The following CDH13 variants were observed in gnomAD, a reference collection of about 807,000 sequenced individuals.
CDH13 encodes the protein cadherin 13, also known as cadherin-13.
CDH13 carries 24 observed loss-of-function variants against 63.8 expected under a neutral mutation model. That is an observed-to-expected ratio of 0.38 (90% CI 0.27 to 0.53). The LOEUF (loss-of-function observed/expected upper bound fraction) is 0.53. Among genes scored for constraint, CDH13 ranks in the 20% least tolerant of loss-of-function variants. The pLI, the probability that CDH13 is intolerant of heterozygous loss-of-function variation, is 0.85. For missense variants in CDH13, 1,049 were observed against 903.1 expected (o/e 1.16, Z -2.07); for synonymous variants, 503 against 355.3 (o/e 1.42, Z -4.67).
At chr16:83,031,638 C>G (rs1326528993) in intron 2 of CDH13, among the ~76,000 whole-genome samples, 1 of 152,008 alleles carries the variant, frequency 6.6e-6, no homozygotes, top group Non-Finnish European at 1.5e-5. Flanking sequence ...CTGTGCAGCT[C>G]TCCTCAATGG....
intron 10 of CDH13, among the ~76,000 whole-genome samples, chr16:83,706,713 G>T (rs756013565): frequency 1.3e-5 from 2 of 152,164 alleles, no homozygotes; most frequent in Non-Finnish European, 2.9e-5. Flanking sequence ...ACACACACAA[G>T]ACATAGAGAA....
At chr16:82,881,249 C>G (rs2040691582) in intron 2 of CDH13, among the ~76,000 whole-genome samples, 1 of 152,090 alleles carries the variant, frequency 6.6e-6, no homozygotes, top group Admixed American at 6.6e-5. Context: ...TTCAAGCTCC[C>G]ATTTGGATGC....
chr16:83,470,246 G>A (rs557139136), intron 6 of CDH13, among the ~76,000 whole-genome samples: 1 of 152,144 alleles, frequency 6.6e-6, no homozygotes, highest in South Asian at 2.1e-4. Flanking sequence ...TTTAGAGAAA[G>A]GTGTCTCACC....
intron 2 of CDH13, among the ~76,000 whole-genome samples, chr16:83,012,067 T>C (rs919716117): frequency 2.0e-5 from 3 of 152,200 alleles, no homozygotes; most frequent in South Asian, 4.1e-4. Flanking sequence ...CAGGACCATT[T>C]GAAAGTTGAA....
chr16:83,265,112 G>A (rs1016806299), intron 5 of CDH13, among the ~76,000 whole-genome samples: 1 of 152,102 alleles, frequency 6.6e-6, no homozygotes, highest in Non-Finnish European at 1.5e-5. Flanking sequence ...GTCTTTAAAT[G>A]TCTCAAGTCG....
rs1372428186 is a variant in CDH13, at chr16:83,397,878, C to T, written c.781+52872C>T. Reference sequence around the variant, plus strand: ...AAACATTTGTTATAAATGAAGAAATCCCCCAGAGAGAAAGCTATAGAGAAC... The same window carrying T: ...AAACATTTGTTATAAATGAAGAAATTCCCCAGAGAGAAAGCTATAGAGAAC... On this transcript the variant is annotated intron_variant, in intron 6 of 13. Transcript: ENST00000567109. 5 of 152,288 alleles carry T rather than the reference C, an allele frequency of 3.3e-5. No homozygotes were observed. In the South Asian group the frequency reaches 6.2e-4, roughly 19 times the overall value. The allele number at this position is 152,288 out of a possible 1,614,324, so 9.4% of individuals were successfully genotyped here. A position where few individuals can be genotyped will look rare whatever the true frequency, so the allele number is the denominator to read the frequency against.
intron 2 of CDH13, among the ~76,000 whole-genome samples, chr16:82,949,677 A>C (rs767689391): frequency 3.3e-5 from 5 of 152,156 alleles, no homozygotes; most frequent in Admixed American, 1.3e-4. Flanking sequence ...AGTCAGAGAA[A>C]ACTTTTTTTT....
At chr16:83,216,602 AG>A (rs557856357) in intron 4 of CDH13, among the ~76,000 whole-genome samples, 24 of 143,808 alleles carry the variant, frequency 1.7e-4, no homozygotes, top group African/African-American at 4.8e-4. Flanking sequence ...TATAATACAT[AG>A]GGGTTTAATA....
At chr16:83,021,905 G>A (rs1244166456) in intron 2 of CDH13, among the ~76,000 whole-genome samples, 1 of 152,176 alleles carries the variant, frequency 6.6e-6, no homozygotes, top group East Asian at 1.9e-4. Context: ...TGTAGGGTGT[G>A]CTTCTTGATT....
chr16:83,556,496 T>C (rs1011920312), intron 7 of CDH13, among the ~76,000 whole-genome samples: 27 of 152,160 alleles, frequency 1.8e-4, no homozygotes. Flanking sequence ...GCCAAAGTTG[T>C]TGTTGTTCCC....
chr16:83,133,286 T>C (rs1430031996), intron 4 of CDH13, among the ~76,000 whole-genome samples: 9 of 152,232 alleles, frequency 5.9e-5, no homozygotes, highest in African/African-American at 2.2e-4. Context: ...ACACATTGGA[T>C]TTCAAAAGCT....
At chr16:83,169,199 A>T (rs1191718099) in intron 4 of CDH13, among the ~76,000 whole-genome samples, 4 of 137,300 alleles carry the variant, frequency 2.9e-5, no homozygotes, top group African/African-American at 1.1e-4. Flanking sequence ...TTTTTTTGAG[A>T]CGGCATCTCA....
intron 10 of CDH13, among the ~76,000 whole-genome samples, chr16:83,688,253 T>A (rs751767186): frequency 6.6e-6 from 1 of 152,200 alleles, no homozygotes; most frequent in Non-Finnish European, 1.5e-5. Context: ...TTATTCTGTA[T>A]CTTCTAAGAC....
At chr16:82,645,037 T>C (rs954570220) in intron 1 of CDH13, among the ~76,000 whole-genome samples, 3 of 152,186 alleles carry the variant, frequency 2.0e-5, no homozygotes, top group African/African-American at 7.2e-5. Flanking sequence ...TGTGTTTCAG[T>C]TTCAGAGGGC....
chr16:83,335,735 A>G (rs1346334753), intron 5 of CDH13, among the ~76,000 whole-genome samples: 2 of 152,024 alleles, frequency 1.3e-5, no homozygotes, highest in African/African-American at 4.8e-5. Context: ...GAAAATCCCT[A>G]TCCTGTTTTG....
chr16:83,521,142 A>G (rs971369285), intron 7 of CDH13, among the ~76,000 whole-genome samples: 2 of 152,228 alleles, frequency 1.3e-5, no homozygotes, highest in African/African-American at 4.8e-5. Flanking sequence ...AGTAAATGGA[A>G]AACCAGCACT....
At chr16:82,728,770 G>A (rs1567472906) in intron 1 of CDH13, among the ~76,000 whole-genome samples, 1 of 152,104 alleles carries the variant, frequency 6.6e-6, no homozygotes, top group Non-Finnish European at 1.5e-5. Context: ...AAAACTTTCT[G>A]TAAAAATTTT....
At chr16:83,089,228 A>G (rs1266596700) in intron 3 of CDH13, among the ~76,000 whole-genome samples, 1 of 152,208 alleles carries the variant, frequency 6.6e-6, no homozygotes, top group Non-Finnish European at 1.5e-5. Flanking sequence ...CCAAGGATGA[A>G]TTCCAGCCCA....
At chr16:82,945,979 C>A (rs1301677366) in intron 2 of CDH13, among the ~76,000 whole-genome samples, 1 of 151,992 alleles carries the variant, frequency 6.6e-6, no homozygotes, top group Admixed American at 6.6e-5. Flanking sequence ...GTGGTCTTCA[C>A]CTTTGTCCTT....
Sources: allele counts gnomAD v4.1 joint callset (sites outside exome capture counted in the v4.1 genomes callset), GRCh38; gene constraint gnomAD v4.1.1; transcripts MANE v1.5; gene names NCBI Gene and HGNC (gene_info 2026-07-23, HGNC 2026-07-21).